TFCP2L1: variants seen among roughly 807,000 people sequenced by gnomAD.
TFCP2L1 encodes transcription factor CP2-like protein 1.
A neutral mutation model predicts 72.2 loss-of-function variants in TFCP2L1; 12 were observed. The observed-to-expected ratio is 0.17, with a 90% CI of 0.11 to 0.27. The LOEUF (loss-of-function observed/expected upper bound fraction) is 0.27, where lower values mean the gene tolerates loss of function less well. TFCP2L1 is among the 10% of genes least tolerant of loss of function. The probability of loss-of-function intolerance (pLI) is 1.00; values close to 1 mark genes in which losing one functional copy is unlikely to be tolerated. For synonymous variants in TFCP2L1, 260 were observed against 251.0 expected, an observed-to-expected ratio of 1.04 and a Z score of -0.34; for missense variants, 488 against 624.6, an observed-to-expected ratio of 0.78 and a Z score of 2.33.
At chr2:121,249,935 T>C (rs1686571405) in intron 2 of TFCP2L1, among the ~76,000 whole-genome samples, 1 of 152,210 alleles carries the variant, frequency 6.6e-6, no homozygotes, top group African/African-American at 2.4e-5. Context: ...AAAATACAGT[T>C]AGCATTAAAA....
intron 4 of TFCP2L1, 58 bp downstream of exon 4, chr2:121,248,924 C>T: frequency 2.9e-6 from 4 of 1,375,056 alleles, no homozygotes; most frequent in East Asian, 2.6e-5. Context: ...CCAGGAAGAA[C>T]CCAATGTGGC....
intron 2 of TFCP2L1, among the ~76,000 whole-genome samples, chr2:121,272,560 A>G (rs1687066500): frequency 6.6e-6 from 1 of 152,226 alleles, no homozygotes; most frequent in South Asian, 2.1e-4. Flanking sequence ...TAAGAGATGC[A>G]GTTCTTAGCT....
rs1685977601 is a variant in TFCP2L1, at chr2:121,224,164, C to T, written c.*177G>A. 25 of 644,652 alleles carry T rather than the reference C, an allele frequency of 3.9e-5. No homozygotes were observed. Among genetic ancestry groups the T allele is most frequent in the East Asian group, 1.6e-4 (6 of 36,610 alleles). The allele number at this position is 644,652 out of a possible 1,614,324, so 39.9% of individuals were successfully genotyped here. A position where few individuals can be genotyped will look rare whatever the true frequency, so the allele number is the denominator to read the frequency against. ...AAGGAGCCACTGGCTTTCTGTACACCGTACTTGGTGTCCACAGGCTTCTGC... is the reference window on the plus strand; with the variant it reads ...AAGGAGCCACTGGCTTTCTGTACACTGTACTTGGTGTCCACAGGCTTCTGC... On this transcript the variant is annotated 3_prime_UTR_variant, in exon 15 of 15. Transcript: ENST00000263707.
At chr2:121,236,806 C>T (rs986918066) in intron 10 of TFCP2L1, among the ~76,000 whole-genome samples, 3 of 152,068 alleles carry the variant, frequency 2.0e-5, no homozygotes, top group Admixed American at 6.5e-5. Flanking sequence ...AAGACACAGC[C>T]GGCACTCCTC....
chr2:121,281,420 C>T (rs1687259508), intron 1 of TFCP2L1, 149 bp from the exon 2 acceptor site: 1 of 792,844 alleles, frequency 1.3e-6, no homozygotes, highest in South Asian at 1.8e-5. Context: ...CTCCTGCAAC[C>T]CTCGAATACT....
intron 2 of TFCP2L1, among the ~76,000 whole-genome samples, chr2:121,249,881 C>A (rs576458801): frequency 1.3e-5 from 2 of 152,330 alleles, no homozygotes; most frequent in Non-Finnish European, 2.9e-5. Context: ...TGTGACCCTA[C>A]TAGAGATAGC....
At chr2:121,232,170 G>A (rs995955257) in intron 12 of TFCP2L1, among the ~76,000 whole-genome samples, 10 of 150,380 alleles carry the variant, frequency 6.6e-5, no homozygotes, top group East Asian at 1.9e-4. Flanking sequence ...ATGGAGTCTC[G>A]CTCTGTCGCC....
intron 7 of TFCP2L1, chr2:121,240,320 G>C: frequency 1.0e-6 from 1 of 985,394 alleles, no homozygotes; most frequent in Non-Finnish European, 1.2e-6. Flanking sequence ...CCCAAAGGAA[G>C]CAAGGGTTTA....
chr2:121,255,121 G>A (rs1364096373), intron 2 of TFCP2L1, among the ~76,000 whole-genome samples: 1 of 152,214 alleles, frequency 6.6e-6, no homozygotes, highest in Non-Finnish European at 1.5e-5. Flanking sequence ...ATCCCACCCA[G>A]TGGGTGTCAC....
chr2:121,243,066 G>A (rs959761204), intron 6 of TFCP2L1, among the ~76,000 whole-genome samples: 1 of 152,244 alleles, frequency 6.6e-6, no homozygotes, highest in African/African-American at 2.4e-5. Flanking sequence ...GGTTCATCAG[G>A]ATGGGAGAGG....
At position 121,229,668 on chromosome 2, in the gene TFCP2L1, C is replaced by T. The variant is rs142070199; in HGVS notation, c.1341+2158G>A. Among the ~76,000 whole-genome samples the T allele has an allele frequency of 1.3e-3, 199 of 152,352 alleles. 2 individuals are homozygous for T. The highest frequency in any genetic ancestry group is 3.5e-3 in the African/African-American group (144 of 41,582). ...GAATCACAGTCAATGACACCACCCA[C>T]GACTTGTTTAGTGTCTCCTGGCACC... On this transcript the variant is annotated intron_variant, in intron 13 of 14. Transcript: ENST00000263707.
rs1685858524 is a variant in TFCP2L1 at position 121,217,614 on chromosome 2, TG to T, written c.*6726del. 1.3e-5 allele frequency: 2 copies of T among 152,576 alleles called. No homozygotes were observed. Among genetic ancestry groups the T allele is most frequent in the South Asian group, 4.1e-4 (2 of 4,824 alleles). The allele number at this position is 152,576 out of a possible 1,614,324, so 9.5% of individuals were successfully genotyped here. ...GCAGCTGGACACATGGGAAGAGGCT[TG>T]CAGGCTCCAGAGAAGCCAAAAGGTC... On this transcript the variant is annotated 3_prime_UTR_variant, in exon 15 of 15. Coordinates refer to ENST00000263707, the MANE Select transcript of TFCP2L1 (RefSeq NM_014553.3).
intron 8 of TFCP2L1, among the ~76,000 whole-genome samples, chr2:121,238,646 G>A (rs534500801): frequency 2.8e-4 from 43 of 152,202 alleles, no homozygotes; most frequent in African/African-American, 9.2e-4. Flanking sequence ...TGTCTACAGG[G>A]TGCAAGCATC....
chr2:121,271,893 G>C (rs778757032), intron 2 of TFCP2L1, among the ~76,000 whole-genome samples: 1 of 152,170 alleles, frequency 6.6e-6, no homozygotes, highest in Non-Finnish European at 1.5e-5. Context: ...GAAAACAGGA[G>C]GGTTGGGGGT....
At chr2:121,241,478 C>T (rs946836665) in intron 7 of TFCP2L1, among the ~76,000 whole-genome samples, 6 of 151,636 alleles carry the variant, frequency 4.0e-5, no homozygotes, top group African/African-American at 1.5e-4. Context: ...GCCTAGGCAA[C>T]AGAGCGAGAC....
At chr2:121,251,696 A>C (rs1417460178) in intron 2 of TFCP2L1, among the ~76,000 whole-genome samples, 1 of 152,236 alleles carries the variant, frequency 6.6e-6, no homozygotes, top group African/African-American at 2.4e-5. Flanking sequence ...TCTACAAAAA[A>C]ATAATAAATG....
At position 121,217,019 on chromosome 2, in the gene TFCP2L1, C is replaced by G. The variant is rs1208439524; in HGVS notation, c.*7322G>C. 6.6e-6 allele frequency: 1 copy of G among 152,404 alleles called. No individual in the cohort carries two copies. Among genetic ancestry groups the G allele is most frequent in the Non-Finnish European group, 1.5e-5 (1 of 68,194 alleles). 9.4% of individuals were successfully genotyped at this position (152,404 alleles called of 1,614,324 possible). On this transcript the variant is annotated 3_prime_UTR_variant, in exon 15 of 15. Coordinates refer to ENST00000263707, the MANE Select transcript of TFCP2L1 (RefSeq NM_014553.3). ...CAAAGCTTTTCCCAGCAGAGCACAC[C>G]CAGCCAGCAATGAGGCCTCAGGACA...
intron 12 of TFCP2L1, among the ~76,000 whole-genome samples, chr2:121,233,188 G>A (rs906704337): frequency 1.3e-5 from 2 of 152,004 alleles, no homozygotes; most frequent in Non-Finnish European, 2.9e-5. Context: ...GTGTGGGGGT[G>A]TGCACTTTTC....
intron 2 of TFCP2L1, among the ~76,000 whole-genome samples, chr2:121,268,283 T>C (rs974389356): frequency 1.3e-5 from 2 of 152,264 alleles, no homozygotes; most frequent in African/African-American, 4.8e-5. Context: ...GTTTACCACA[T>C]TCTTTGCTGA....
Sources: gnomAD v4.1 joint callset for allele counts (sites outside exome capture counted in the v4.1 genomes callset) on GRCh38, gnomAD v4.1.1 for gene constraint, MANE v1.5 for transcripts, NCBI Gene and HGNC (gene_info 2026-07-23, HGNC 2026-07-21) for gene names.